The following ATRN variants were observed in gnomAD, a reference collection of about 807,000 sequenced individuals.
ATRN encodes attractin.
A neutral mutation model predicts 178.7 loss-of-function variants in ATRN; 54 were observed. The observed-to-expected ratio is 0.30, with a 90% confidence interval of 0.24 to 0.38. ATRN has a LOEUF of 0.38. Ranked by LOEUF, ATRN falls within the 10% of genes least tolerant of loss-of-function variation. The probability of loss-of-function intolerance (pLI) is 1.00; values close to 1 mark genes in which losing one functional copy is unlikely to be tolerated. For synonymous variants in ATRN, 636 were observed against 663.0 expected, an observed-to-expected ratio of 0.96 and a Z score of 0.63; for missense variants, 1,443 against 1,815.1, an observed-to-expected ratio of 0.79 and a Z score of 3.73.
chr20:3,582,459 G>T, intron 16 of ATRN, 105 bp downstream of exon 16: 2 of 1,028,996 alleles, frequency 1.9e-6, no homozygotes, highest in East Asian at 5.0e-5. Flanking sequence ...GAAAACAGAT[G>T]AAGTATTGAT....
chr20:3,512,504 T>C (rs543890550), intron 1 of ATRN, among the ~76,000 whole-genome samples: 1 of 152,272 alleles, frequency 6.6e-6, no homozygotes, highest in South Asian at 2.1e-4. Flanking sequence ...ATCCAGTCTA[T>C]CATTGTTGGA....
rs2087126957 is a variant in ATRN at position 3,649,024 on chromosome 20, GATA to G, written c.*2180_*2182del. 1 of 152,168 alleles carries G rather than the reference GATA, an allele frequency of 6.6e-6. No homozygotes were observed. The highest frequency in any genetic ancestry group is 6.5e-5 in the Admixed American group (1 of 15,276). 9.4% of individuals were successfully genotyped at this position (152,168 alleles called of 1,614,324 possible). ...GTTATGTCTTATTTTTTTCCTAAAAGATAATGTTTATTTTTAAAAAGGAAGGAA... is the reference window on the plus strand; with the variant it reads ...GTTATGTCTTATTTTTTTCCTAAAAGATGTTTATTTTTAAAAAGGAAGGAA... On this transcript the variant is annotated 3_prime_UTR_variant, in exon 29 of 29. Transcript: ENST00000262919.
At position 3,524,085 on chromosome 20, in the gene ATRN, A is replaced by G. The variant is rs541016800; in HGVS notation, c.411-11168A>G. 3.3e-5 allele frequency among the ~76,000 whole-genome samples: 5 copies of G among 152,318 alleles called. No homozygotes were observed. In the South Asian group the frequency reaches 1.0e-3, roughly 32 times the overall value. On this transcript the variant is annotated intron_variant, in intron 1 of 28. Transcript: ENST00000262919. Reference sequence around the variant, plus strand: ...ATAACAATATTAGCCTTAAGTGTAAATGCCCCAATTAAAAGACACAGACTG... The same window carrying G: ...ATAACAATATTAGCCTTAAGTGTAAGTGCCCCAATTAAAAGACACAGACTG...
In ATRN at chr20:3,632,355, C is replaced by G. The variant is rs2086995543; in HGVS notation, c.3864-1956C>G. 6.6e-6 allele frequency among the ~76,000 whole-genome samples: 1 copy of G among 152,102 alleles called. No individual in the cohort carries two copies. Among genetic ancestry groups the G allele is most frequent in the Non-Finnish European group, 1.5e-5 (1 of 68,038 alleles). On this transcript the variant is annotated intron_variant, in intron 25 of 28. Transcript: ENST00000262919. This position sits in a 1 kb window ranked among gnomAD's most constrained non-coding sequence, Gnocchi z 4.2. ...CCTGCACTGGCTCTTTCCCAATGCC[C>G]TCATAATGCTTGCAGTGCCCCACAT...
chr20:3,528,857 A>T (rs142265101), intron 1 of ATRN, among the ~76,000 whole-genome samples: 4 of 152,254 alleles, frequency 2.6e-5, no homozygotes, highest in Non-Finnish European at 5.9e-5. Flanking sequence ...CTGTCATCCA[A>T]GCTGCAGTAC....
chr20:3,502,333 T>A (rs2084975721), intron 1 of ATRN, among the ~76,000 whole-genome samples: 1 of 152,130 alleles, frequency 6.6e-6, no homozygotes, highest in African/African-American at 2.4e-5. Context: ...CTCTAAATCT[T>A]GGAATTGGTA....
intron 26 of ATRN, among the ~76,000 whole-genome samples, chr20:3,635,318 T>C (rs973017218): frequency 1.3e-5 from 2 of 151,516 alleles, no homozygotes; most frequent in Non-Finnish European, 2.9e-5. Flanking sequence ...AAAGAACTTA[T>C]TCATGTAACC....
Position 3,540,383 on chromosome 20 carries a change from T to G in ATRN, c.608+48T>G, listed in dbSNP as rs147146559. Reference sequence around the variant, plus strand: ...TCTTTCATCGTTTGATTTCTAAATTTAAACATATCTTCTGGATTGCATTCT... The same window carrying G: ...TCTTTCATCGTTTGATTTCTAAATTGAAACATATCTTCTGGATTGCATTCT... On this transcript the variant is annotated intron_variant, in intron 3 of 28. Coordinates refer to ENST00000262919, the MANE Select transcript of ATRN (RefSeq NM_139321.3). The G allele has an allele frequency of 2.7e-4, 321 of 1,195,412 alleles. 4 individuals carry two copies. The African/African-American group carries it at 4.1e-3, about 15-fold the overall frequency. 74.1% of individuals were successfully genotyped at this position (1,195,412 alleles called of 1,614,324 possible). A position where few individuals can be genotyped will look rare whatever the true frequency, so the allele number is the denominator to read the frequency against.
Position 3,632,921 on chromosome 20 carries a change from G to A in ATRN, c.3864-1390G>A, listed in dbSNP as rs1023403494. Among the ~76,000 whole-genome samples, 1 of 152,212 alleles carries A rather than the reference G, an allele frequency of 6.6e-6. No individual in the cohort carries two copies. Among genetic ancestry groups the A allele is most frequent in the Non-Finnish European group, 1.5e-5 (1 of 68,036 alleles). On this transcript the variant is annotated intron_variant, in intron 25 of 28. Transcript: ENST00000262919. This position sits in a 1 kb window ranked among gnomAD's most constrained non-coding sequence, Gnocchi z 4.2. Reference sequence around the variant, plus strand: ...AAGGCAGGCAGATCACTTGAGGTTAGGAGTTTGAGACCAGACTGGCCAACG... The same window carrying A: ...AAGGCAGGCAGATCACTTGAGGTTAAGAGTTTGAGACCAGACTGGCCAACG...
At chr20:3,554,460 C>T (rs940414659) in intron 6 of ATRN, among the ~76,000 whole-genome samples, 3 of 151,836 alleles carry the variant, frequency 2.0e-5, no homozygotes, top group Admixed American at 1.3e-4. Context: ...CTCAGCCTCC[C>T]GAGTAGCTGG....
At chr20:3,627,210 T>C (rs1205073782) in intron 25 of ATRN, among the ~76,000 whole-genome samples, 2 of 152,196 alleles carry the variant, frequency 1.3e-5, no homozygotes, top group Non-Finnish European at 2.9e-5. Flanking sequence ...AATCTGTGGC[T>C]CTCCACCTTA....
intron 25 of ATRN, among the ~76,000 whole-genome samples, chr20:3,627,924 G>A (rs1222943684): frequency 6.6e-6 from 1 of 152,318 alleles, no homozygotes; most frequent in East Asian, 1.9e-4. Context: ...TGTAATCCCA[G>A]CACTTTGGGA....
chr20:3,522,171 A>G lies in ATRN; in HGVS notation c.411-13082A>G, dbSNP rs536511436. On this transcript the variant is annotated intron_variant, in intron 1 of 28. Transcript: ENST00000262919. ...GGAAATTAAGCAACATCTAAATTAC[A>G]CATAGGTCAAAGGAGAAATAAGGGA... 2.0e-5 allele frequency among the ~76,000 whole-genome samples: 3 copies of G among 152,348 alleles called. No individual in the cohort carries two copies. The East Asian group carries it at 5.8e-4, about 29-fold the overall frequency.
intron 9 of ATRN, among the ~76,000 whole-genome samples, chr20:3,562,742 G>C (rs146669003): frequency 1.3e-5 from 2 of 152,148 alleles, no homozygotes; most frequent in Non-Finnish European, 2.9e-5. Flanking sequence ...TAAAGCGATG[G>C]TTTCTCCTCT....
At chr20:3,641,754 A>G (rs906086918) in intron 27 of ATRN, among the ~76,000 whole-genome samples, 2 of 152,118 alleles carry the variant, frequency 1.3e-5, no homozygotes, top group Non-Finnish European at 2.9e-5. Context: ...CCTTCCGAGA[A>G]CAAGGATGAA....
At chr20:3,595,487 A>C (rs925025570) in intron 20 of ATRN, among the ~76,000 whole-genome samples, 1 of 152,206 alleles carries the variant, frequency 6.6e-6, no homozygotes. Flanking sequence ...TTATATCTGC[A>C]TATATGTTTA....
chr20:3,512,107 A>ATTTT (rs755934394), intron 1 of ATRN, among the ~76,000 whole-genome samples: 24 of 106,380 alleles, frequency 2.3e-4, no homozygotes, highest in Admixed American at 2.9e-4. Context: ...ATATATATAT[A>ATTTT]TTTTTTTTTT....
chr20:3,481,665 G>C, intron 1 of ATRN, among the ~76,000 whole-genome samples: 1 of 145,076 alleles, frequency 6.9e-6, no homozygotes, highest in African/African-American at 2.6e-5. Context: ...TTTTAATTAA[G>C]TTTTCAGTTT....
At chr20:3,560,551 T>C (rs2085936733) in intron 7 of ATRN, 111 bp from the exon 8 acceptor site, 2 of 951,984 alleles carry the variant, frequency 2.1e-6, no homozygotes, top group South Asian at 1.8e-5. Flanking sequence ...ATTTTTAGTT[T>C]CTTGACTAAC....
Sources: allele counts gnomAD v4.1 joint callset (sites outside exome capture counted in the v4.1 genomes callset), GRCh38; gene constraint gnomAD v4.1.1; non-coding constraint Gnocchi (gnomAD v3.1); transcripts MANE v1.5; gene names NCBI Gene and HGNC (gene_info 2026-07-23, HGNC 2026-07-21).